NFIL3: variants seen among roughly 807,000 people sequenced by gnomAD.
The protein encoded by NFIL3 is nuclear factor, interleukin 3 regulated, also known as nuclear factor interleukin-3-regulated protein.
NFIL3 carries 5 observed loss-of-function variants against 10.0 expected under a neutral mutation model. The ratio of observed to expected loss-of-function variants is 0.50; its 90% CI spans 0.26 to 1.06. The LOEUF (loss-of-function observed/expected upper bound fraction) is 1.06, where lower values mean the gene tolerates loss of function less well. Among genes scored for constraint, NFIL3 ranks in the 50% least tolerant of loss-of-function variants. The pLI, the probability that NFIL3 is intolerant of heterozygous loss-of-function variation, is 0.13. For missense variants in NFIL3, 436 were observed against 547.6 expected (o/e 0.80, Z 2.03); for synonymous variants, 202 against 206.5 (o/e 0.98, Z 0.19).
At position 91,410,811 on chromosome 9, in the gene NFIL3, C is replaced by T; in HGVS notation, c.-77G>A. The T allele has an allele frequency of 7.0e-7, 1 of 1,420,112 alleles. No homozygotes were observed. The highest frequency in any genetic ancestry group is 2.6e-5 in the Admixed American group (1 of 39,048). The allele number at this position is 1,420,112 out of a possible 1,614,324, so 88.0% of individuals were successfully genotyped here. ...CGTATTCTCAAGCTCTTTAAAAACTCTGGTTTAAAATCCATCAATATTCTT... is the reference window on the plus strand; with the variant it reads ...CGTATTCTCAAGCTCTTTAAAAACTTTGGTTTAAAATCCATCAATATTCTT... On this transcript the variant is annotated 5_prime_UTR_variant, in exon 2 of 2. Coordinates refer to ENST00000297689, the MANE Select transcript of NFIL3 (RefSeq NM_005384.3). This position sits in a 1 kb window ranked among gnomAD's most constrained non-coding sequence, Gnocchi z 5.7.
the NFIL3 span, among the ~76,000 whole-genome samples, chr9:91,457,455 C>G: frequency 1.3e-5 from 2 of 151,920 alleles, no homozygotes; most frequent in Admixed American, 1.3e-4. Flanking sequence ...GAGGTCACAT[C>G]TTTGTCAGAT....
chr9:91,413,440 G>A (rs980418590), intron 1 of NFIL3, among the ~76,000 whole-genome samples: 3 of 151,830 alleles, frequency 2.0e-5, no homozygotes, highest in Admixed American at 1.3e-4. Context: ...TAGTAGAGAC[G>A]GGATTTTACC....
upstream of NFIL3, chr9:91,426,950 C>G (rs1275064784): frequency 2.0e-5 from 3 of 152,232 alleles, no homozygotes; most frequent in South Asian, 6.2e-4. Context: ...GAATTCAGGA[C>G]GTTAGCCACA....
At chr9:91,441,100 G>T in the NFIL3 span, among the ~76,000 whole-genome samples, 1 of 152,010 alleles carries the variant, frequency 6.6e-6, no homozygotes, top group East Asian at 1.9e-4. Context: ...TGAAAATGAG[G>T]TATCAAAATG....
Position 91,409,271 on chromosome 9 carries a change from T to C in NFIL3, c.*75A>G. ...ATGACATCACAGGTCCAGTGAAAAT[T>C]CAGCATAATACAAAATGGACTGCTC... is the stretch of plus-strand genomic sequence containing the variant. On this transcript the variant is annotated 3_prime_UTR_variant, in exon 2 of 2. Transcript: ENST00000297689. 7.2e-7 allele frequency: 1 copy of C among 1,394,658 alleles called. No homozygotes were observed. Among genetic ancestry groups the C allele is most frequent in the South Asian group, 1.4e-5 (1 of 69,906 alleles). 86.4% of individuals were successfully genotyped at this position (1,394,658 alleles called of 1,614,324 possible).
chr9:91,471,395 G>A, the NFIL3 span, among the ~76,000 whole-genome samples: 1 of 143,714 alleles, frequency 7.0e-6, no homozygotes, highest in Non-Finnish European at 1.5e-5. Context: ...CCTTTATTTT[G>A]AGCCTATGTG....
the NFIL3 span, among the ~76,000 whole-genome samples, chr9:91,438,741 C>T: frequency 6.6e-6 from 1 of 152,128 alleles, no homozygotes. Context: ...ATTCAGTTTT[C>T]CTAGCCCCAT....
At chr9:91,459,013 GA>G in the NFIL3 span, among the ~76,000 whole-genome samples, 1 of 152,168 alleles carries the variant, frequency 6.6e-6, no homozygotes, top group South Asian at 2.1e-4. Context: ...CATAAGGTGC[GA>G]AAAACTGGTC....
the NFIL3 span, among the ~76,000 whole-genome samples, chr9:91,471,206 G>A: frequency 6.6e-6 from 1 of 152,152 alleles, no homozygotes; most frequent in Non-Finnish European, 1.5e-5. Context: ...GGGTGCTCCT[G>A]TGTTGGGTGC....
the NFIL3 span, among the ~76,000 whole-genome samples, chr9:91,442,380 C>T: frequency 3.8e-3 from 578 of 152,244 alleles, 3 homozygotes; most frequent in African/African-American, 0.013. Context: ...TCTCTATGTC[C>T]TTGGGGTGTC....
upstream of NFIL3, among the ~76,000 whole-genome samples, chr9:91,425,006 C>T (rs748516100): frequency 1.3e-5 from 2 of 152,136 alleles, no homozygotes; most frequent in Non-Finnish European, 2.9e-5. Context: ...CTGCGTTTAC[C>T]GATACACGGA....
the NFIL3 span, among the ~76,000 whole-genome samples, chr9:91,440,634 T>C: frequency 2.0e-5 from 3 of 152,258 alleles, no homozygotes; most frequent in Middle Eastern, 3.4e-3. Context: ...TTAATGTAGG[T>C]ACTTATTGCT....
chr9:91,422,720 G>C (rs1027255152), intron 1 of NFIL3, among the ~76,000 whole-genome samples: 17 of 152,158 alleles, frequency 1.1e-4, no homozygotes, highest in African/African-American at 3.9e-4. Context: ...AGGTGGGGAG[G>C]TAAACGTCAC....
At chr9:91,432,469 G>A in the NFIL3 span, among the ~76,000 whole-genome samples, 122 of 152,258 alleles carry the variant, frequency 8.0e-4, 1 homozygote, top group African/African-American at 2.8e-3. Flanking sequence ...AATTTCTTTC[G>A]GAACCTGTCA....
the NFIL3 span, among the ~76,000 whole-genome samples, chr9:91,472,693 G>A: frequency 1.3e-5 from 2 of 152,232 alleles, no homozygotes; most frequent in African/African-American, 4.8e-5. Context: ...ACCTTCTGAA[G>A]CCTACTTTTG....
At chr9:91,418,393 A>G (rs1038806556) in intron 1 of NFIL3, among the ~76,000 whole-genome samples, 12 of 152,256 alleles carry the variant, frequency 7.9e-5, no homozygotes, top group African/African-American at 2.9e-4. Context: ...AAATTCCCCA[A>G]TGAATAAGTA....
the NFIL3 span, among the ~76,000 whole-genome samples, chr9:91,435,437 T>C: frequency 2.6e-5 from 4 of 152,240 alleles, no homozygotes; most frequent in Middle Eastern, 3.4e-3. Context: ...GAGAGACTAG[T>C]AAATGTGGAA....
Position 91,409,310 on chromosome 9 carries a change from A to T in NFIL3, c.*36T>A, listed in dbSNP as rs192480985. On this transcript the variant is annotated 3_prime_UTR_variant, in exon 2 of 2. Coordinates refer to ENST00000297689, the MANE Select transcript of NFIL3 (RefSeq NM_005384.3). ...AATGGACTGCTCTATTGCAAATGAC[A>T]TCTTTCTAAATGCCCAGCTCTTACT... The T allele has an allele frequency of 2.3e-5, 35 of 1,520,448 alleles. No individual in the cohort carries two copies. Among genetic ancestry groups the T allele is most frequent in the Non-Finnish European group, 2.7e-5 (31 of 1,135,924 alleles). The allele number at this position is 1,520,448 out of a possible 1,614,324, so 94.2% of individuals were successfully genotyped here. A position where few individuals can be genotyped will look rare whatever the true frequency, so the allele number is the denominator to read the frequency against.
At chr9:91,460,271 C>CTTTTTTTT in the NFIL3 span, among the ~76,000 whole-genome samples, 32 of 70,426 alleles carry the variant, frequency 4.5e-4, 5 homozygotes, top group East Asian at 5.3e-3. Flanking sequence ...GGGCTTGGTT[C>CTTTTTTTT]TTTTTTTTTT....
Sources: allele counts gnomAD v4.1 joint callset (sites outside exome capture counted in the v4.1 genomes callset), GRCh38; gene constraint gnomAD v4.1.1; non-coding constraint Gnocchi (gnomAD v3.1); transcripts MANE v1.5; gene names NCBI Gene and HGNC (gene_info 2026-07-23, HGNC 2026-07-21).